TOPBP1: variants seen among roughly 807,000 people sequenced by gnomAD.
The protein encoded by TOPBP1 is DNA topoisomerase II binding protein 1.
A neutral mutation model predicts 167.7 loss-of-function variants in TOPBP1; 28 were observed. The observed-to-expected ratio is 0.17, with a 90% CI of 0.12 to 0.23. The LOEUF (loss-of-function observed/expected upper bound fraction) is 0.23, where lower values mean the gene tolerates loss of function less well. Ranked by LOEUF, TOPBP1 falls within the 10% of genes least tolerant of loss-of-function variation. The pLI is 1.00. For missense variants in TOPBP1, 1,554 were observed against 1,809.6 expected (o/e 0.86, Z 2.56); for synonymous variants, 598 against 611.4 (o/e 0.98, Z 0.32).
Position 133,628,346 on chromosome 3 carries a change from A to C in TOPBP1, c.2804+16T>G, listed in dbSNP as rs899313504. Reference sequence around the variant, plus strand: ...TTCAGTCATATCACCATGAAACAGAAAGATGTGCCAACTACCTGTAATCTG... The same window carrying C: ...TTCAGTCATATCACCATGAAACAGACAGATGTGCCAACTACCTGTAATCTG... On this transcript the variant is annotated intron_variant, in intron 16 of 27. Coordinates refer to ENST00000260810, the MANE Select transcript of TOPBP1 (RefSeq NM_007027.4). 15 of 1,577,262 alleles carry C rather than the reference A, an allele frequency of 9.5e-6. No homozygotes were observed. In the Admixed American group the frequency reaches 1.5e-4, roughly 16 times the overall value.
intron 25 of TOPBP1, among the ~76,000 whole-genome samples, chr3:133,610,419 G>C (rs1934633595): frequency 6.6e-6 from 1 of 151,848 alleles, no homozygotes; most frequent in Non-Finnish European, 1.5e-5. Context: ...AGTTTCTCTT[G>C]ATAAATCAAC....
At chr3:133,638,236 AT>A in intron 13 of TOPBP1, 74 bp from the exon 14 acceptor site, 2 of 1,374,328 alleles carry the variant, frequency 1.5e-6, no homozygotes, top group Non-Finnish European at 2.0e-6. Flanking sequence ...AAGAAGTAAT[AT>A]TTTATACTGT....
intron 3 of TOPBP1, among the ~76,000 whole-genome samples, chr3:133,658,241 TG>T (rs1936550555): frequency 1.3e-5 from 2 of 151,868 alleles, no homozygotes; most frequent in South Asian, 2.1e-4. Context: ...CGAGCGGGGG[TG>T]GATCACCTGA....
intron 9 of TOPBP1, 25 bp from the exon 10 acceptor site, chr3:133,649,658 T>A: frequency 6.2e-7 from 1 of 1,609,892 alleles, no homozygotes; most frequent in South Asian, 1.1e-5. Flanking sequence ...CATAGTTATG[T>A]ATTAGTGCAA....
chr3:133,617,416 T>C (rs894922832), intron 21 of TOPBP1, 90 bp from the exon 22 acceptor site: 3 of 1,365,376 alleles, frequency 2.2e-6, no homozygotes, highest in African/African-American at 1.5e-5. Flanking sequence ...TTAGTCAAGA[T>C]GAAGTCAAGC....
At chr3:133,603,383 C>A (rs1479049134) in intron 27 of TOPBP1, among the ~76,000 whole-genome samples, 3 of 151,974 alleles carry the variant, frequency 2.0e-5, no homozygotes, top group Non-Finnish European at 4.4e-5. Flanking sequence ...AAACCCCATC[C>A]CTAAATCCAA....
intron 3 of TOPBP1, among the ~76,000 whole-genome samples, 162 bp downstream of exon 3, chr3:133,658,854 T>C (rs1234236513): frequency 6.6e-6 from 1 of 152,128 alleles, no homozygotes; most frequent in East Asian, 1.9e-4. Context: ...AAGCCTACTG[T>C]AACATAATTA....
intron 8 of TOPBP1, among the ~76,000 whole-genome samples, chr3:133,652,016 G>C (rs1300072827): frequency 2.6e-5 from 4 of 151,966 alleles, no homozygotes; most frequent in Non-Finnish European, 5.9e-5. Flanking sequence ...CATGCCTGTA[G>C]TTCTAACTGC....
intron 13 of TOPBP1, among the ~76,000 whole-genome samples, chr3:133,639,066 A>G (rs978913973): frequency 4.6e-5 from 7 of 152,202 alleles, no homozygotes; most frequent in African/African-American, 4.8e-5. Flanking sequence ...TTCCTCAAAG[A>G]TCTAGAACTA....
chr3:133,628,497 G>T, intron 15 of TOPBP1, 26 bp from the exon 16 acceptor site: 1 of 1,606,076 alleles, frequency 6.2e-7, no homozygotes, highest in Non-Finnish European at 8.5e-7. Flanking sequence ...AAAAGAAACA[G>T]ATCAGTCATT....
At chr3:133,633,799 CAAAACAA>C (rs980331391) in intron 14 of TOPBP1, among the ~76,000 whole-genome samples, 7 of 152,070 alleles carry the variant, frequency 4.6e-5, no homozygotes, top group Non-Finnish European at 1.0e-4. Context: ...TTAAACACAA[CAAAACAA>C]AACAAAACCT....
chr3:133,649,123 ACT>A (rs1006836580), intron 10 of TOPBP1, among the ~76,000 whole-genome samples: 2 of 152,152 alleles, frequency 1.3e-5, no homozygotes, highest in African/African-American at 2.4e-5. Flanking sequence ...GATATTACAA[ACT>A]CACACACAAA....
chr3:133,618,663 A>G (rs1163284931), intron 20 of TOPBP1, among the ~76,000 whole-genome samples: 1 of 152,100 alleles, frequency 6.6e-6, no homozygotes, highest in Non-Finnish European at 1.5e-5. Flanking sequence ...ACATATTTTG[A>G]CTACATGTCT....
chr3:133,656,181 C>T (rs78368898), intron 5 of TOPBP1, among the ~76,000 whole-genome samples: 11 of 151,672 alleles, frequency 7.3e-5, no homozygotes, highest in African/African-American at 2.2e-4. Flanking sequence ...ATACCTAATG[C>T]CTACCTCAAG....
intron 8 of TOPBP1, among the ~76,000 whole-genome samples, chr3:133,650,806 ACAT>A (rs540232674): frequency 1.2e-3 from 189 of 152,280 alleles, no homozygotes; most frequent in African/African-American, 4.5e-3. Context: ...CTAGGATAAA[ACAT>A]CATACAAAAC....
chr3:133,661,479 G>C (rs1936712875), intron 1 of TOPBP1, among the ~76,000 whole-genome samples: 1 of 152,168 alleles, frequency 6.6e-6, no homozygotes, highest in Non-Finnish European at 1.5e-5. Flanking sequence ...GGATACCCAC[G>C]GCCTGCGAGG....
intron 25 of TOPBP1, among the ~76,000 whole-genome samples, chr3:133,610,559 G>GTTGT (rs1318932082): frequency 6.7e-6 from 1 of 150,158 alleles, no homozygotes. Context: ...AGTTGATAGT[G>GTTGT]TTGTGATTTG....
rs531722260 is a variant in TOPBP1 at position 133,658,284 on chromosome 3, T to C, written c.220-343A>G. ...GAGTTCGAGACCAGCCTGGCCAACA[T>C]GGTGAAACCCCGTCTCTACTAAAAA... On this transcript the variant is annotated intron_variant, in intron 3 of 27. Transcript: ENST00000260810. Among the ~76,000 whole-genome samples the C allele has an allele frequency of 4.5e-4, 69 of 152,080 alleles. 1 individual carries two copies. In the East Asian group the frequency reaches 4.6e-3, roughly 10 times the overall value.
At chr3:133,645,068 C>A (rs1164173674) in intron 10 of TOPBP1, among the ~76,000 whole-genome samples, 1 of 152,144 alleles carries the variant, frequency 6.6e-6, no homozygotes, top group Non-Finnish European at 1.5e-5. Flanking sequence ...AAATGAGATA[C>A]AAACCAAAGT....
Sources: gnomAD v4.1 joint callset for allele counts (sites outside exome capture counted in the v4.1 genomes callset) on GRCh38, gnomAD v4.1.1 for gene constraint, MANE v1.5 for transcripts, NCBI Gene and HGNC (gene_info 2026-07-23, HGNC 2026-07-21) for gene names.